Variants in MYCBP2 observed in about 807,000 individuals in gnomAD.
MYCBP2 encodes the protein MYC binding protein 2, also known as E3 ubiquitin-protein ligase MYCBP2.
MYCBP2 carries 120 observed loss-of-function variants against 525.3 expected under a neutral mutation model. The observed-to-expected ratio is 0.23, with a 90% CI of 0.20 to 0.27. The LOEUF (loss-of-function observed/expected upper bound fraction) is 0.27, where lower values mean the gene tolerates loss of function less well. Among genes scored for constraint, MYCBP2 ranks in the 10% least tolerant of loss-of-function variants. MYCBP2 has a pLI of 1.00. For synonymous variants in MYCBP2, 1,894 were observed against 1,955.8 expected, an observed-to-expected ratio of 0.97 and a Z score of 0.83; for missense variants, 4,149 against 5,657.1, an observed-to-expected ratio of 0.73 and a Z score of 8.55.
At chr13:77,297,292 A>G (rs905734740) in intron 1 of MYCBP2, among the ~76,000 whole-genome samples, 6 of 152,232 alleles carry the variant, frequency 3.9e-5, no homozygotes, top group African/African-American at 1.4e-4. Flanking sequence ...TTTTATTTTC[A>G]TTTCACTTAA....
chr13:77,175,979 A>T (rs11842917), intron 36 of MYCBP2, among the ~76,000 whole-genome samples: 24,551 of 148,906 alleles, frequency 0.16, 2,322 homozygotes, highest in South Asian at 0.41. Context: ...AATAATAATT[A>T]AAAAAAAATA....
intron 3 of MYCBP2, among the ~76,000 whole-genome samples, chr13:77,285,556 G>A (rs2154356299): frequency 6.6e-6 from 1 of 152,312 alleles, no homozygotes; most frequent in South Asian, 2.1e-4. Flanking sequence ...GGAGGCCAAG[G>A]TGGGTAGATC....
intron 68 of MYCBP2, among the ~76,000 whole-genome samples, chr13:77,073,695 T>C (rs1480298406): frequency 1.3e-5 from 2 of 152,116 alleles, no homozygotes; most frequent in African/African-American, 2.4e-5. Flanking sequence ...GATCACAGGG[T>C]AGAAATCTAA....
At chr13:77,088,755 A>G in intron 61 of MYCBP2, 77 bp downstream of exon 61, 1 of 1,282,308 alleles carries the variant, frequency 7.8e-7, no homozygotes. Flanking sequence ...TGTTGGTAAA[A>G]AAGTGGCATC....
intron 13 of MYCBP2, 147 bp downstream of exon 13, chr13:77,260,281 C>T: frequency 1.7e-6 from 1 of 590,596 alleles, no homozygotes; most frequent in East Asian, 3.3e-5. Context: ...CAGAAAATTT[C>T]TCTTTCGAAA....
intron 27 of MYCBP2, among the ~76,000 whole-genome samples, 191 bp from the exon 28 acceptor site, chr13:77,192,004 G>A (rs537547911): frequency 7.5e-4 from 114 of 152,308 alleles, no homozygotes; most frequent in African/African-American, 2.6e-3. Context: ...ATGTTATGGT[G>A]ATAGAATTAC....
At chr13:77,294,500 G>A (rs1336529823) in intron 2 of MYCBP2, among the ~76,000 whole-genome samples, 1 of 151,984 alleles carries the variant, frequency 6.6e-6, no homozygotes, top group African/African-American at 2.4e-5. Flanking sequence ...ATTACTAAGG[G>A]CACAAAGCTA....
intron 2 of MYCBP2, among the ~76,000 whole-genome samples, chr13:77,295,321 A>T (rs1258217508): frequency 6.6e-6 from 1 of 152,070 alleles, no homozygotes; most frequent in South Asian, 2.1e-4. Context: ...TTTCGTAGAG[A>T]CAGGGTTTCA....
At chr13:77,089,961 AT>A in intron 60 of MYCBP2, 144 bp downstream of exon 60, 2 of 655,020 alleles carry the variant, frequency 3.1e-6, no homozygotes, top group South Asian at 6.0e-5. Flanking sequence ...GCTATGTCAT[AT>A]AGAAGGAATG....
intron 13 of MYCBP2, among the ~76,000 whole-genome samples, chr13:77,258,324 TAC>T (rs753125388): frequency 6.6e-6 from 1 of 152,238 alleles, no homozygotes; most frequent in Non-Finnish European, 1.5e-5. Flanking sequence ...CACAATCCAA[TAC>T]ACAGTTATTT....
At chr13:77,222,370 T>C (rs1027418986) in intron 20 of MYCBP2, among the ~76,000 whole-genome samples, 1 of 150,952 alleles carries the variant, frequency 6.6e-6, no homozygotes, top group African/African-American at 2.4e-5. Context: ...AACCTCTTGA[T>C]AGTAGTATCA....
In MYCBP2 at chr13:77,126,541, T is replaced by A; in HGVS notation, c.7661A>T (p.Glu2554Val). The A allele has an allele frequency of 6.2e-7, 1 of 1,609,682 alleles. No individual in the cohort carries two copies. The highest frequency in any genetic ancestry group is 8.5e-7 in the Non-Finnish European group (1 of 1,177,838). The change falls in exon 53 of 83, where the codon GAA (glutamate) becomes GTA (valine). Residue 2554 changes from glutamate (E) to valine (V), a missense_variant and splice_region_variant. Around this residue, in one of 21 missense-constraint regions of MYCBP2, gnomAD observed 692 missense variants for 852.7 expected, o/e 0.81. Coordinates refer to ENST00000544440, the MANE Select transcript of MYCBP2 (RefSeq NM_015057.5). ...LGKSLLVPVD[E>V]SKTNTDDFFK... ...AAAGTCATCAGTATTAGTTTTAGAT[T>A]CCTGAAAATTTGAATAGGAAAGAAA...
At chr13:77,315,043 T>C (rs1163225987) in intron 1 of MYCBP2, among the ~76,000 whole-genome samples, 1 of 152,154 alleles carries the variant, frequency 6.6e-6, no homozygotes, top group Non-Finnish European at 1.5e-5. Flanking sequence ...AACTTAGAAG[T>C]ATGAAATGAA....
intron 10 of MYCBP2, 105 bp from the exon 11 acceptor site, chr13:77,262,234 AAAAC>A (rs2154338722): frequency 1.1e-6 from 1 of 904,602 alleles, no homozygotes; most frequent in Non-Finnish European, 1.6e-6. Context: ...AAATCACTAA[AAAAC>A]AAGGATGACA....
chr13:77,247,818 A>T (rs561751164), intron 15 of MYCBP2, among the ~76,000 whole-genome samples: 1 of 152,226 alleles, frequency 6.6e-6, no homozygotes, highest in African/African-American at 2.4e-5. Context: ...TAGAGAAAGG[A>T]TAATCATTTC....
intron 3 of MYCBP2, among the ~76,000 whole-genome samples, chr13:77,286,321 T>C (rs1436032563): frequency 1.3e-5 from 2 of 152,216 alleles, no homozygotes; most frequent in Non-Finnish European, 2.9e-5. Context: ...AAATCATTTA[T>C]AATTATAAAA....
chr13:77,202,568 A>C (rs2154270441), intron 26 of MYCBP2, among the ~76,000 whole-genome samples: 1 of 152,120 alleles, frequency 6.6e-6, no homozygotes, highest in Non-Finnish European at 1.5e-5. Flanking sequence ...TCCTGATACC[A>C]AAGCCGGGCA....
At chr13:77,116,410 T>C (rs2049775503) in intron 55 of MYCBP2, among the ~76,000 whole-genome samples, 1 of 151,914 alleles carries the variant, frequency 6.6e-6, no homozygotes, top group Non-Finnish European at 1.5e-5. Flanking sequence ...TGTTGGCACT[T>C]TGCCACATTT....
In MYCBP2 at chr13:77,288,364, C is replaced by G. The variant is rs144409085; in HGVS notation, c.391G>C (p.Glu131Gln). The change falls in exon 3 of 83, where the codon GAG becomes CAG. Residue 131 changes from glutamate (E) to glutamine (Q), a missense_variant. Around this residue, in one of 21 missense-constraint regions of MYCBP2, gnomAD observed 413 missense variants for 451.2 expected, o/e 0.92. Coordinates refer to ENST00000544440, the MANE Select transcript of MYCBP2 (RefSeq NM_015057.5). ...VKTRSKSENL[E>Q]NTVIIPDIKL... ...ATATCTGGTATGATTACTGTATTCT[C>G]TAAGTTTTCAGACTGAAATACAAAA... 5.6e-6 allele frequency: 9 copies of G among 1,611,884 alleles called. No homozygotes were observed. The African/African-American group carries it at 1.1e-4, about 19-fold the overall frequency.
Sources: allele counts gnomAD v4.1 joint callset (sites outside exome capture counted in the v4.1 genomes callset), GRCh38; gene constraint gnomAD v4.1.1; regional missense constraint gnomAD v4.1.1; transcripts MANE v1.5; gene names NCBI Gene and HGNC (gene_info 2026-07-23, HGNC 2026-07-21).